The following CHCHD3 variants were observed in gnomAD, a reference collection of about 807,000 sequenced individuals.
CHCHD3 encodes the protein MICOS complex subunit MIC19.
CHCHD3 carries 20 observed loss-of-function variants against 38.2 expected under a neutral mutation model. That is an observed-to-expected ratio of 0.52 (90% confidence interval 0.37 to 0.76). The LOEUF (loss-of-function observed/expected upper bound fraction) is 0.76, where lower values mean the gene tolerates loss of function less well. Among genes scored for constraint, CHCHD3 ranks in the 30% least tolerant of loss-of-function variants. CHCHD3 has a pLI of 0.00. For missense variants in CHCHD3, 245 were observed against 279.2 expected (o/e 0.88, Z 0.87); for synonymous variants, 82 against 100.0 (o/e 0.82, Z 1.07).
At chr7:132,873,604 C>G (rs1300272680) in intron 5 of CHCHD3, among the ~76,000 whole-genome samples, 1 of 151,832 alleles carries the variant, frequency 6.6e-6, no homozygotes, top group Non-Finnish European at 1.5e-5. Context: ...ATGGTACTGA[C>G]ACTGATATTA....
intron 7 of CHCHD3, among the ~76,000 whole-genome samples, chr7:132,790,454 G>T (rs1387226264): frequency 6.6e-6 from 1 of 152,176 alleles, no homozygotes; most frequent in Non-Finnish European, 1.5e-5. Flanking sequence ...TTTAGAAAAG[G>T]ATTCCTATGA....
chr7:132,794,497 T>A (rs1937537285), intron 7 of CHCHD3, among the ~76,000 whole-genome samples: 1 of 152,166 alleles, frequency 6.6e-6, no homozygotes, highest in South Asian at 2.1e-4. Context: ...TGTAAGGTGG[T>A]GCAGGTTCTT....
At chr7:133,012,728 C>T (rs1006884967) in intron 3 of CHCHD3, among the ~76,000 whole-genome samples, 1 of 150,764 alleles carries the variant, frequency 6.6e-6, no homozygotes, top group Non-Finnish European at 1.5e-5. Flanking sequence ...TGCACCACTG[C>T]ACTCCACCAT....
chr7:132,899,026 G>C (rs1041947251), intron 4 of CHCHD3, among the ~76,000 whole-genome samples: 1 of 152,234 alleles, frequency 6.6e-6, no homozygotes, highest in Non-Finnish European at 1.5e-5. Flanking sequence ...GCGGGCTCTG[G>C]CCTTGGCCAG....
chr7:132,941,747 G>A (rs936006323), intron 4 of CHCHD3, among the ~76,000 whole-genome samples: 5 of 152,082 alleles, frequency 3.3e-5, no homozygotes, highest in African/African-American at 1.2e-4. Context: ...AGGGAGGCAC[G>A]GAGCCATTTC....
chr7:133,021,411 C>T (rs1813174556), intron 3 of CHCHD3, among the ~76,000 whole-genome samples: 1 of 152,172 alleles, frequency 6.6e-6, no homozygotes, highest in Non-Finnish European at 1.5e-5. Context: ...GGAACTATTT[C>T]CTCACCACAC....
In CHCHD3 at chr7:133,042,366, CT is replaced by C. The variant is rs139674213; in HGVS notation, c.170-17740del. Reference sequence around the variant, plus strand: ...CCTTTGAATACTCACAAAGACACACCTCCAAGGCTTAACACCAAGAGAACAC... The same window carrying C: ...CCTTTGAATACTCACAAAGACACACCCCAAGGCTTAACACCAAGAGAACAC... On this transcript the variant is annotated intron_variant, in intron 2 of 7. Transcript: ENST00000262570. 2.3e-3 allele frequency among the ~76,000 whole-genome samples: 349 copies of C among 152,282 alleles called. 2 individuals are homozygous for C. Among genetic ancestry groups the C allele is most frequent in the African/African-American group, 7.8e-3 (323 of 41,534 alleles).
intron 5 of CHCHD3, among the ~76,000 whole-genome samples, chr7:132,861,572 G>A (rs1808492053): frequency 6.6e-6 from 1 of 152,076 alleles, no homozygotes; most frequent in Non-Finnish European, 1.5e-5. Flanking sequence ...GAACTTCTAG[G>A]GGAAAAAAGA....
chr7:132,960,665 T>C lies in CHCHD3; in HGVS notation c.369+14504A>G, dbSNP rs535108817. 3.3e-5 allele frequency among the ~76,000 whole-genome samples: 5 copies of C among 152,076 alleles called. No homozygotes were observed. In the South Asian group the frequency reaches 1.0e-3, roughly 32 times the overall value. On this transcript the variant is annotated intron_variant, in intron 4 of 7. Transcript: ENST00000262570. ...CGTCAGAAATTAGCAAAACAGAAGATCTAATGGTCACATTAAAAATTAACA... is the reference window on the plus strand; with the variant it reads ...CGTCAGAAATTAGCAAAACAGAAGACCTAATGGTCACATTAAAAATTAACA...
At chr7:132,954,787 G>A (rs776425504) in intron 4 of CHCHD3, among the ~76,000 whole-genome samples, 7 of 152,086 alleles carry the variant, frequency 4.6e-5, no homozygotes, top group Admixed American at 4.6e-4. Context: ...TGCACTCGAC[G>A]TCCCTCGCCA....
intron 2 of CHCHD3, among the ~76,000 whole-genome samples, chr7:133,066,366 T>C (rs1190573610): frequency 6.6e-6 from 1 of 152,054 alleles, no homozygotes; most frequent in African/African-American, 2.4e-5. Flanking sequence ...TCGATTCTCA[T>C]GCCTCAGTAT....
intron 7 of CHCHD3, among the ~76,000 whole-genome samples, chr7:132,787,663 AT>A (rs1806352490): frequency 1.3e-5 from 2 of 152,198 alleles, no homozygotes; most frequent in South Asian, 4.1e-4. Flanking sequence ...AATGATTGAA[AT>A]TAAGGGGACA....
intron 4 of CHCHD3, among the ~76,000 whole-genome samples, chr7:132,895,519 C>T (rs960964047): frequency 6.6e-6 from 1 of 152,250 alleles, no homozygotes; most frequent in African/African-American, 2.4e-5. Context: ...TGTGTCCCCA[C>T]CTAAATCTCA....
At chr7:133,078,684 A>G (rs910766056) in intron 1 of CHCHD3, among the ~76,000 whole-genome samples, 6 of 152,250 alleles carry the variant, frequency 3.9e-5, no homozygotes, top group Non-Finnish European at 8.8e-5. Context: ...CTGTCAAAAA[A>G]TCCTAAGTCG....
intron 5 of CHCHD3, among the ~76,000 whole-genome samples, chr7:132,867,679 C>T (rs1306637761): frequency 2.0e-5 from 3 of 152,012 alleles, no homozygotes; most frequent in Non-Finnish European, 4.4e-5. Flanking sequence ...CATGCACATA[C>T]AGAATTTTAT....
chr7:132,982,387 C>T lies in CHCHD3; in HGVS notation c.252-7101G>A, dbSNP rs139955552. 2.8e-3 allele frequency among the ~76,000 whole-genome samples: 420 copies of T among 152,268 alleles called. 16 individuals are homozygous for T. The East Asian group carries it at 0.064, about 23-fold the overall frequency. ...GGAACCTCCACCTCCGGGATTCAAG[C>T]GATTCTCCTGCCTCAGTCTCCCAAG... On this transcript the variant is annotated intron_variant, in intron 3 of 7. Coordinates refer to ENST00000262570, the MANE Select transcript of CHCHD3 (RefSeq NM_017812.4).
At chr7:133,048,773 C>T (rs921850377) in intron 2 of CHCHD3, among the ~76,000 whole-genome samples, 13 of 152,078 alleles carry the variant, frequency 8.5e-5, no homozygotes, top group African/African-American at 2.9e-4. Flanking sequence ...TCCCCCCAAG[C>T]GGGCCGCAAA....
At chr7:132,900,592 A>C (rs1157637323) in intron 4 of CHCHD3, among the ~76,000 whole-genome samples, 2 of 152,222 alleles carry the variant, frequency 1.3e-5, no homozygotes, top group Non-Finnish European at 2.9e-5. Flanking sequence ...GGAAAAAAAA[A>C]CTAGCAGTGC....
intron 4 of CHCHD3, among the ~76,000 whole-genome samples, chr7:132,970,627 C>G (rs1811589548): frequency 6.6e-6 from 1 of 152,026 alleles, no homozygotes; most frequent in African/African-American, 2.4e-5. Flanking sequence ...GTCTTTTATT[C>G]ATAGATCATT....
Sources: allele counts gnomAD v4.1 joint callset (sites outside exome capture counted in the v4.1 genomes callset), GRCh38; gene constraint gnomAD v4.1.1; transcripts MANE v1.5; gene names NCBI Gene and HGNC (gene_info 2026-07-23, HGNC 2026-07-21).